Variants in ADCY3 observed in about 807,000 individuals in gnomAD.
ADCY3 encodes the protein adenylate cyclase 3.
ADCY3 carries 70 observed loss-of-function variants against 119.4 expected under a neutral mutation model. The ratio of observed to expected loss-of-function variants is 0.59; its 90% CI spans 0.48 to 0.72. The LOEUF is 0.72. ADCY3 is among the 30% of genes least tolerant of loss of function. The pLI is 0.00. For synonymous variants in ADCY3, 672 were observed against 621.4 expected (o/e 1.08, Z -1.21); for missense variants, 1,238 against 1,541.6 (o/e 0.80, Z 3.30).
chr2:24,820,314 G>A, intron 21 of ADCY3, 200 bp from the exon 22 acceptor site: 1 of 1,300,190 alleles, frequency 7.7e-7, no homozygotes, highest in Non-Finnish European at 9.8e-7. Context: ...GTGACTGGCT[G>A]GGGGCCTCCT....
chr2:24,838,726 G>A (rs1481100946), intron 7 of ADCY3, 104 bp from the exon 8 acceptor site: 19 of 1,583,268 alleles, frequency 1.2e-5, no homozygotes, highest in East Asian at 4.5e-5. Context: ...GCTCGGCCCC[G>A]TGTCTCTCGG....
At chr2:24,856,096 TACA>T (rs1214120971) in intron 3 of ADCY3, among the ~76,000 whole-genome samples, 1 of 152,212 alleles carries the variant, frequency 6.6e-6, no homozygotes, top group African/African-American at 2.4e-5. Flanking sequence ...GCTAAGTTTC[TACA>T]ACATCCTTGT....
intron 2 of ADCY3, among the ~76,000 whole-genome samples, chr2:24,913,021 G>C (rs1258586564): frequency 6.6e-6 from 1 of 152,178 alleles, no homozygotes; most frequent in African/African-American, 2.4e-5. Context: ...TCTGGTCCCT[G>C]GACCCTCCAC....
At chr2:24,882,471 C>T (rs1369910529) in intron 2 of ADCY3, among the ~76,000 whole-genome samples, 1 of 152,238 alleles carries the variant, frequency 6.6e-6, no homozygotes, top group Non-Finnish European at 1.5e-5. Flanking sequence ...TCCTCAAAAG[C>T]TCCCACTGCT....
At chr2:24,887,251 G>C (rs1379581535) in intron 2 of ADCY3, among the ~76,000 whole-genome samples, 1 of 152,172 alleles carries the variant, frequency 6.6e-6, no homozygotes, top group Non-Finnish European at 1.5e-5. Context: ...ACTATCACGA[G>C]AACAGCATGG....
chr2:24,843,034 GC>G (rs1671231063), intron 3 of ADCY3, among the ~76,000 whole-genome samples: 1 of 152,220 alleles, frequency 6.6e-6, no homozygotes, highest in African/African-American at 2.4e-5. Context: ...TCCTGAAGGA[GC>G]CTTGGTCGAG....
intron 3 of ADCY3, among the ~76,000 whole-genome samples, chr2:24,866,706 T>C (rs76533282): frequency 0.014 from 2,101 of 151,866 alleles, 28 homozygotes; most frequent in Non-Finnish European, 0.021. Flanking sequence ...AAAAAATAGA[T>C]GACAAAATAG....
chr2:24,821,230 C>T, intron 20 of ADCY3: 1 of 458,096 alleles, frequency 2.2e-6, no homozygotes, highest in East Asian at 4.1e-5. Context: ...GGCACAGCAA[C>T]CCCTCTGGAA....
chr2:24,877,831 G>A, intron 2 of ADCY3: 1 of 466,364 alleles, frequency 2.1e-6, no homozygotes, highest in Non-Finnish European at 4.5e-6. Context: ...CGAGACAGCT[G>A]GCGCTCGAAG....
chr2:24,862,963 G>A (rs1410294478), intron 3 of ADCY3, among the ~76,000 whole-genome samples: 2 of 152,242 alleles, frequency 1.3e-5, no homozygotes, highest in South Asian at 2.1e-4. Flanking sequence ...CCATAGGAGA[G>A]GGGCAGAGAC....
chr2:24,835,519 A>G lies in ADCY3; in HGVS notation c.1663-583T>C, dbSNP rs77638256. ...ACCCTTTTATTCCCAGTTCCAAAGA[A>G]AAAGCATCAACTCCAAAAACAGGAA... is the stretch of plus-strand genomic sequence containing the variant. On this transcript the variant is annotated intron_variant, in intron 9 of 21. Coordinates refer to ENST00000679454, the MANE Select transcript of ADCY3 (RefSeq NM_004036.5). Among the ~76,000 whole-genome samples the G allele has an allele frequency of 1.0e-3, 158 of 152,348 alleles. 3 individuals are homozygous for G. The East Asian group carries it at 0.023, about 22-fold the overall frequency.
intron 3 of ADCY3, among the ~76,000 whole-genome samples, chr2:24,850,871 C>A (rs1432537932): frequency 6.6e-6 from 1 of 152,034 alleles, no homozygotes; most frequent in Non-Finnish European, 1.5e-5. Flanking sequence ...GAGAGAAGAG[C>A]GGGACAAAAT....
At chr2:24,826,185 G>A (rs1668592901) in intron 15 of ADCY3, 59 bp from the exon 16 acceptor site, 2 of 1,475,092 alleles carry the variant, frequency 1.4e-6, no homozygotes, top group East Asian at 2.3e-5. Context: ...GAGGGGGCCT[G>A]ATTCCCTCCA....
At position 24,840,509 on chromosome 2, in the gene ADCY3, C is replaced by A. The variant is rs550030592; in HGVS notation, c.1197-478G>T. 1.1e-4 allele frequency: 49 copies of A among 463,058 alleles called. No individual in the cohort carries two copies. In the Middle Eastern group the frequency reaches 3.3e-3, roughly 31 times the overall value. 28.7% of individuals were successfully genotyped at this position (463,058 alleles called of 1,614,324 possible). On this transcript the variant is annotated intron_variant, in intron 6 of 21. Coordinates refer to ENST00000679454, the MANE Select transcript of ADCY3 (RefSeq NM_004036.5). Reference sequence around the variant, plus strand: ...ACACTGCTTTCTTTCCAGGGCAATACTAGACGGGCTTTAACCTGGAAGATG... The same window carrying A: ...ACACTGCTTTCTTTCCAGGGCAATAATAGACGGGCTTTAACCTGGAAGATG...
At chr2:24,844,118 A>C (rs1243612647) in intron 3 of ADCY3, among the ~76,000 whole-genome samples, 1 of 152,218 alleles carries the variant, frequency 6.6e-6, no homozygotes, top group Non-Finnish European at 1.5e-5. Flanking sequence ...CAGCAGGCAC[A>C]GGGGGAGGCC....
At position 24,831,720 on chromosome 2, in the gene ADCY3, A is replaced by G; in HGVS notation, c.1997T>C (p.Val666Ala). 6.2e-7 allele frequency: 1 copy of G among 1,613,504 alleles called. No homozygotes were observed. The highest frequency in any genetic ancestry group is 8.5e-7 in the Non-Finnish European group (1 of 1,179,818). ...WLMTNYVTFM[V>A]GEILLLILTI... ...CAGGATGAGGAGCAGAATCTCCCCC[A>G]CCATGAAGGTCACATAGTTTGTCAT... Residue 666 changes from valine to alanine, a missense_variant, in exon 12 of 22, where the codon GTG becomes GCG. Physicochemically the swap from Val to Ala is moderately conservative, Grantham distance 64. Coordinates refer to ENST00000679454, the MANE Select transcript of ADCY3 (RefSeq NM_004036.5).
chr2:24,861,611 G>T (rs767418014), intron 3 of ADCY3, among the ~76,000 whole-genome samples: 1 of 152,124 alleles, frequency 6.6e-6, no homozygotes, highest in Non-Finnish European at 1.5e-5. Context: ...AAAGTGAAAC[G>T]GGGTCATGCA....
Position 24,918,213 on chromosome 2 carries a change from AT to A in ADCY3, c.675+99del. On this transcript the variant is annotated intron_variant, in intron 2 of 21. Coordinates refer to ENST00000679454, the MANE Select transcript of ADCY3 (RefSeq NM_004036.5). This position sits in a 1 kb window ranked among gnomAD's most constrained non-coding sequence, Gnocchi z 5.4. Reference sequence around the variant, plus strand: ...AGAGCCCCGGAGGCCCCCAGGACACATTTTGACTCAAAGGCAAAGCAAACAG... The same window carrying A: ...AGAGCCCCGGAGGCCCCCAGGACACATTTGACTCAAAGGCAAAGCAAACAG... 1 of 1,374,860 alleles carries A rather than the reference AT, an allele frequency of 7.3e-7. No individual in the cohort carries two copies. Among genetic ancestry groups the A allele is most frequent in the African/African-American group, 1.5e-5 (1 of 68,914 alleles). 85.2% of individuals were successfully genotyped at this position (1,374,860 alleles called of 1,614,324 possible). A position where few individuals can be genotyped will look rare whatever the true frequency, so the allele number is the denominator to read the frequency against.
chr2:24,824,713 A>G (rs1409179659), intron 16 of ADCY3, among the ~76,000 whole-genome samples, 177 bp from the exon 17 acceptor site: 1 of 152,118 alleles, frequency 6.6e-6, no homozygotes, highest in Non-Finnish European at 1.5e-5. Context: ...ACATGGTGAA[A>G]CCCTGTCTCT....
Sources: allele counts gnomAD v4.1 joint callset (sites outside exome capture counted in the v4.1 genomes callset), GRCh38; gene constraint gnomAD v4.1.1; non-coding constraint Gnocchi (gnomAD v3.1); transcripts MANE v1.5; gene names NCBI Gene and HGNC (gene_info 2026-07-23, HGNC 2026-07-21).